Variants in INSR observed in about 807,000 individuals in gnomAD.
INSR encodes insulin receptor.
A neutral mutation model predicts 142.6 loss-of-function variants in INSR; 67 were observed. The observed-to-expected ratio is 0.47, with a 90% CI of 0.39 to 0.58. The LOEUF (loss-of-function observed/expected upper bound fraction) is 0.58, where lower values mean the gene tolerates loss of function less well. Among genes scored for constraint, INSR ranks in the 20% least tolerant of loss-of-function variants. The pLI, the probability that INSR is intolerant of heterozygous loss-of-function variation, is 0.00. For synonymous variants in INSR, 756 were observed against 743.1 expected (o/e 1.02, Z -0.28); for missense variants, 1,248 against 1,833.2 (o/e 0.68, Z 5.83).
chr19:7,280,213 G>A (rs1038420709), intron 1 of INSR, among the ~76,000 whole-genome samples: 1 of 151,986 alleles, frequency 6.6e-6, no homozygotes, highest in Non-Finnish European at 1.5e-5. Flanking sequence ...GCAGTGAGTC[G>A]AGACTGCGCC....
Position 7,184,352 on chromosome 19 carries a change from G to C in INSR, c.938C>G (p.Pro313Arg). ...CATCGTGTACCCGGAGGGACACTCAGGGATGCACTTGTTGTTGTGAATGAC... is the reference window on the plus strand; with the variant it reads ...CATCGTGTACCCGGAGGGACACTCACGGATGCACTTGTTGTTGTGAATGAC... ...QYVIHNNKCIPECPSGYTMNS... is the reference protein window; with the variant it reads ...QYVIHNNKCIRECPSGYTMNS... Residue 313 changes from proline (P) to arginine (R), a missense_variant, in exon 3 of 22, where the codon CCT becomes CGT. Transcript: ENST00000302850. The C allele has an allele frequency of 6.2e-7, 1 of 1,614,024 alleles. No individual in the cohort carries two copies. Among genetic ancestry groups the C allele is most frequent in the East Asian group, 2.2e-5 (1 of 44,876 alleles).
intron 2 of INSR, among the ~76,000 whole-genome samples, chr19:7,250,399 G>T (rs1357872352): frequency 6.9e-6 from 1 of 144,726 alleles, no homozygotes; most frequent in Non-Finnish European, 1.5e-5. Context: ...GAGAAGGAAG[G>T]GAGGTAAGAA....
At chr19:7,224,675 T>C (rs1023024093) in intron 2 of INSR, among the ~76,000 whole-genome samples, 3 of 152,166 alleles carry the variant, frequency 2.0e-5, no homozygotes, top group Admixed American at 6.5e-5. Context: ...CAAGAAGCCG[T>C]AAGATGTGCG....
intron 2 of INSR, among the ~76,000 whole-genome samples, chr19:7,194,006 A>G (rs1974670784): frequency 6.6e-6 from 1 of 152,174 alleles, no homozygotes; most frequent in Non-Finnish European, 1.5e-5. Flanking sequence ...CAGGAAATAC[A>G]TTTTTCAAAA....
rs1423132481 is a variant in INSR, at chr19:7,294,334, G to A, written c.-443C>T. ...GGCGGGTGGCGGGCGGGCGGCGGGAGAGAGGGCTGCTCGGGCCCGTAAACA... is the reference window on the plus strand; with the variant it reads ...GGCGGGTGGCGGGCGGGCGGCGGGAAAGAGGGCTGCTCGGGCCCGTAAACA... On this transcript the variant is annotated 5_prime_UTR_variant, in exon 1 of 22. Transcript: ENST00000302850. 2.0e-5 allele frequency among the ~76,000 whole-genome samples: 3 copies of A among 151,522 alleles called. No individual in the cohort carries two copies. Among genetic ancestry groups the A allele is most frequent in the Non-Finnish European group, 4.4e-5 (3 of 67,728 alleles).
At chr19:7,155,117 G>T (rs1398533083) in intron 9 of INSR, among the ~76,000 whole-genome samples, 1 of 152,220 alleles carries the variant, frequency 6.6e-6, no homozygotes, top group Admixed American at 6.5e-5. Context: ...CTCAAAGAAA[G>T]TCACCACTGA....
At chr19:7,231,816 T>C (rs554857838) in intron 2 of INSR, among the ~76,000 whole-genome samples, 1 of 151,792 alleles carries the variant, frequency 6.6e-6, no homozygotes, top group Non-Finnish European at 1.5e-5. Flanking sequence ...CTCACTATGT[T>C]GCCCAGGCTA....
intron 2 of INSR, among the ~76,000 whole-genome samples, chr19:7,265,099 G>A (rs556831211): frequency 8.3e-4 from 127 of 152,212 alleles, no homozygotes; most frequent in African/African-American, 2.6e-3. Context: ...CACCTCCATC[G>A]CATGTTCCCT....
intron 2 of INSR, among the ~76,000 whole-genome samples, chr19:7,253,251 T>G (rs989733249): frequency 2.6e-5 from 4 of 152,128 alleles, no homozygotes; most frequent in Non-Finnish European, 4.4e-5. Context: ...TTTATTTAAT[T>G]ATTTGATACG....
intron 1 of INSR, among the ~76,000 whole-genome samples, chr19:7,271,191 A>T (rs1396208272): frequency 1.3e-5 from 2 of 152,186 alleles, no homozygotes; most frequent in African/African-American, 4.8e-5. Context: ...GACAATTACA[A>T]GTGCAAAGAA....
intron 2 of INSR, among the ~76,000 whole-genome samples, chr19:7,253,051 G>C (rs573583662): frequency 7.3e-5 from 11 of 151,112 alleles, no homozygotes; most frequent in Middle Eastern, 3.4e-3. Flanking sequence ...GGAGGCGGAG[G>C]TTGCAGCGAG....
At position 7,120,843 on chromosome 19, in the gene INSR, G is replaced by C. The variant is rs1972474213; in HGVS notation, c.3530-94C>G. ...CCCCACCTCTCACAGAGCCCTAAGAGGGGTTCACCTGGCCCACGTCTGCGC... is the reference window on the plus strand; with the variant it reads ...CCCCACCTCTCACAGAGCCCTAAGACGGGTTCACCTGGCCCACGTCTGCGC... On this transcript the variant is annotated intron_variant, in intron 19 of 21. Transcript: ENST00000302850. The C allele has an allele frequency of 6.5e-6, 10 of 1,529,538 alleles. No homozygotes were observed. The South Asian group carries it at 7.9e-5, about 12-fold the overall frequency. The allele number at this position is 1,529,538 out of a possible 1,614,324, so 94.7% of individuals were successfully genotyped here. A position where few individuals can be genotyped will look rare whatever the true frequency, so the allele number is the denominator to read the frequency against.
At chr19:7,151,449 T>C (rs1164514927) in intron 10 of INSR, among the ~76,000 whole-genome samples, 1 of 151,384 alleles carries the variant, frequency 6.6e-6, no homozygotes, top group Non-Finnish European at 1.5e-5. Flanking sequence ...GCTATTTTTT[T>C]TTTTTTTTTC....
intron 1 of INSR, among the ~76,000 whole-genome samples, chr19:7,277,134 C>A (rs1399354339): frequency 1.3e-5 from 2 of 152,232 alleles, no homozygotes; most frequent in East Asian, 3.9e-4. Flanking sequence ...CCATCTGAGC[C>A]AGATGGAATC....
intron 15 of INSR, among the ~76,000 whole-genome samples, chr19:7,127,247 C>A (rs1359005680): frequency 6.6e-6 from 1 of 152,112 alleles, no homozygotes; most frequent in African/African-American, 2.4e-5. Flanking sequence ...CACTTAAAAG[C>A]CACTCACCCA....
At chr19:7,251,926 A>C (rs1415745421) in intron 2 of INSR, among the ~76,000 whole-genome samples, 1 of 152,132 alleles carries the variant, frequency 6.6e-6, no homozygotes, top group Non-Finnish European at 1.5e-5. Context: ...CCATTAATTA[A>C]ATATAGAATT....
intron 2 of INSR, among the ~76,000 whole-genome samples, chr19:7,230,818 A>AT (rs988488608): frequency 8.6e-5 from 13 of 151,622 alleles, no homozygotes; most frequent in Admixed American, 4.6e-4. Flanking sequence ...AAATAAAAAA[A>AT]AAATAAAAAA....
chr19:7,124,497 C>T (rs1972574677), intron 17 of INSR, among the ~76,000 whole-genome samples: 1 of 122,094 alleles, frequency 8.2e-6, no homozygotes, highest in African/African-American at 3.2e-5. Flanking sequence ...TGAGATTGTG[C>T]CACTGCACTC....
In INSR at chr19:7,232,551, C is replaced by T. The variant is rs373893333; in HGVS notation, c.652+34794G>A. Among the ~76,000 whole-genome samples, 136 of 152,280 alleles carry T rather than the reference C, an allele frequency of 8.9e-4. 1 individual carries two copies. The highest frequency in any genetic ancestry group is 3.0e-3 in the African/African-American group (123 of 41,564). On this transcript the variant is annotated intron_variant, in intron 2 of 21. Coordinates refer to ENST00000302850, the MANE Select transcript of INSR (RefSeq NM_000208.4). The stretch of plus-strand genomic sequence containing the variant: ...GTTGTTGGCCGGGCCCAGTGGCTCG[C>T]ACCTGTAATCTCAGCACTTTGGGAG...
Sources: allele counts gnomAD v4.1 joint callset (sites outside exome capture counted in the v4.1 genomes callset), GRCh38; gene constraint gnomAD v4.1.1; transcripts MANE v1.5; gene names NCBI Gene and HGNC (gene_info 2026-07-23, HGNC 2026-07-21).